The following TMIGD3 variants were observed in gnomAD, a reference collection of about 807,000 sequenced individuals.
TMIGD3 encodes AD026 protein (AD026).
A neutral mutation model predicts 28.1 loss-of-function variants in TMIGD3; 21 were observed. That is an observed-to-expected ratio of 0.75 (90% CI 0.53 to 1.08). The LOEUF (loss-of-function observed/expected upper bound fraction) is 1.08. TMIGD3 is among the 50% of genes least tolerant of loss of function. The pLI is 0.00. For missense variants in TMIGD3, 416 were observed against 435.6 expected (o/e 0.96, Z 0.40); for synonymous variants, 151 against 162.1 (o/e 0.93, Z 0.52).
intron 1 of TMIGD3, among the ~76,000 whole-genome samples, chr1:111,521,996 C>G (rs1557834086): frequency 6.6e-6 from 1 of 152,150 alleles, no homozygotes; most frequent in Non-Finnish European, 1.5e-5. Context: ...GCTTCAGCAC[C>G]ATTTGTTGAA....
rs1655369063 is a variant in TMIGD3, at chr1:111,503,627, AT to A, written c.-274del. ...CCAGAATGCTGTAGGACAGCTCTAT[AT>A]GGACTGAATCTGAAAGTGCTGCTGC... On this transcript the variant is annotated 5_prime_UTR_variant, in exon 1 of 6. Transcript: ENST00000369716. The A allele has an allele frequency of 2.5e-6, 3 of 1,216,092 alleles. No homozygotes were observed. Among genetic ancestry groups the A allele is most frequent in the Non-Finnish European group, 2.1e-6 (2 of 967,852 alleles). The allele number at this position is 1,216,092 out of a possible 1,614,324, so 75.3% of individuals were successfully genotyped here.
At chr1:111,555,293 GA>G (rs536109185) in intron 1 of TMIGD3, among the ~76,000 whole-genome samples, 70 of 143,954 alleles carry the variant, frequency 4.9e-4, no homozygotes, top group African/African-American at 1.7e-3. Context: ...TTGAACCCAG[GA>G]GGCTGAGGTT....
At chr1:111,517,042 C>T (rs575621372) in intron 1 of TMIGD3, among the ~76,000 whole-genome samples, 1 of 152,348 alleles carries the variant, frequency 6.6e-6, no homozygotes, top group South Asian at 2.1e-4. Context: ...CCCCATCCCA[C>T]ACTCTCTCAC....
At chr1:111,558,211 T>G (rs1470305916) in intron 1 of TMIGD3, among the ~76,000 whole-genome samples, 4 of 152,194 alleles carry the variant, frequency 2.6e-5, no homozygotes, top group African/African-American at 9.7e-5. Context: ...AGGGTCTTAC[T>G]CCACTGCCCA....
exon 1 of TMIGD3, chr1:111,563,942 G>C (rs1657850461): frequency 6.2e-7 from 1 of 1,613,626 alleles, no homozygotes; most frequent in Non-Finnish European, 8.5e-7. Flanking sequence ...TCCTGCTGGA[G>C]ACCCTTCCAT....
chr1:111,505,121 T>G, upstream of TMIGD3: 2 of 203,540 alleles, frequency 9.8e-6, no homozygotes, highest in Non-Finnish European at 1.4e-5. Flanking sequence ...GGCAGCACTC[T>G]GCCAAAAAAA....
intron 1 of TMIGD3, among the ~76,000 whole-genome samples, chr1:111,525,844 A>C (rs1303221673): frequency 6.6e-6 from 1 of 152,210 alleles, no homozygotes; most frequent in Non-Finnish European, 1.5e-5. Flanking sequence ...AGCCTGAGAG[A>C]CAGAGCGAGA....
intron 1 of TMIGD3, among the ~76,000 whole-genome samples, chr1:111,528,650 T>C (rs1656350085): frequency 6.6e-6 from 1 of 152,200 alleles, no homozygotes; most frequent in South Asian, 2.1e-4. Flanking sequence ...CTATCCATGA[T>C]AATGGAATAT....
intron 1 of TMIGD3, chr1:111,500,165 T>G (rs35511654): frequency 0.12 from 191,510 of 1,614,070 alleles, 12,665 homozygotes; most frequent in Middle Eastern, 0.18. Flanking sequence ...CAGTTGATGA[T>G]AGATAAAGGC....
At chr1:111,522,518 CTTTTT>C (rs1375113931) in intron 1 of TMIGD3, among the ~76,000 whole-genome samples, 1 of 135,684 alleles carries the variant, frequency 7.4e-6, no homozygotes, top group Non-Finnish European at 1.6e-5. Context: ...TTGTTTGTTG[CTTTTT>C]TTTTTTTTTT....
chr1:111,527,683 T>G (rs1214451536), intron 1 of TMIGD3, among the ~76,000 whole-genome samples: 1 of 152,254 alleles, frequency 6.6e-6, no homozygotes, highest in Non-Finnish European at 1.5e-5. Context: ...ATTAATGTTT[T>G]GAATTTTGGC....
In TMIGD3 at chr1:111,491,951, T is replaced by G. The variant is rs1654687297; in HGVS notation, c.351-1189A>C. On this transcript the variant is annotated intron_variant, in intron 1 of 5. Coordinates refer to ENST00000369716, the MANE Select transcript of TMIGD3 (RefSeq NM_020683.7). ...GCCCTTATGTAGTCCCCTCCCACACTGAATCAGGACTGGCCTGTGTGATCA... is the reference window on the plus strand; with the variant it reads ...GCCCTTATGTAGTCCCCTCCCACACGGAATCAGGACTGGCCTGTGTGATCA... Among the ~76,000 whole-genome samples, 5 of 152,200 alleles carry G rather than the reference T, an allele frequency of 3.3e-5. No individual in the cohort carries two copies. The South Asian group carries it at 1.0e-3, about 31-fold the overall frequency.
Position 111,485,725 on chromosome 1 carries a change from A to G in TMIGD3, c.973+15T>C, listed in dbSNP as rs761624810. The stretch of plus-strand genomic sequence containing the variant: ...TAATTCTTGCCCACCCCCTCCCTCA[A>G]CAATAGCTACTTACCCCTTCTATTC... On this transcript the variant is annotated intron_variant, in intron 5 of 5. Coordinates refer to ENST00000369716, the MANE Select transcript of TMIGD3 (RefSeq NM_020683.7). The G allele has an allele frequency of 7.0e-7, 1 of 1,419,110 alleles. No homozygotes were observed. The highest frequency in any genetic ancestry group is 1.2e-5 in the South Asian group (1 of 82,626). The allele number at this position is 1,419,110 out of a possible 1,614,324, so 87.9% of individuals were successfully genotyped here.
intron 1 of TMIGD3, among the ~76,000 whole-genome samples, chr1:111,517,088 G>A (rs182416502): frequency 6.6e-6 from 1 of 152,286 alleles, no homozygotes; most frequent in Admixed American, 6.5e-5. Flanking sequence ...CCCAAGTGCA[G>A]GAGTGCAAGC....
Position 111,490,651 on chromosome 1 carries a change from C to A in TMIGD3, c.457+5G>T. 1 of 1,607,394 alleles carries A rather than the reference C, an allele frequency of 6.2e-7. No individual in the cohort carries two copies. The highest frequency in any genetic ancestry group is 2.2e-5 in the East Asian group (1 of 44,852). On this transcript the variant is annotated splice_donor_5th_base_variant and intron_variant, in intron 2 of 5. Transcript: ENST00000369716. ...GGGCTGGAGCTGTTCCGTCCCCCAT[C>A]CTACCTGAAATGAGAGCCAAGGAGA...
intron 1 of TMIGD3, among the ~76,000 whole-genome samples, chr1:111,523,463 T>G (rs1656148309): frequency 6.6e-6 from 1 of 152,170 alleles, no homozygotes; most frequent in South Asian, 2.1e-4. Context: ...TAATGTCGTC[T>G]GATTTCAATA....
chr1:111,497,580 T>C (rs1230007817), intron 1 of TMIGD3, among the ~76,000 whole-genome samples: 2 of 151,868 alleles, frequency 1.3e-5, no homozygotes, highest in Admixed American at 6.6e-5. Flanking sequence ...AGATTCCCGT[T>C]AGACAAAGAT....
At chr1:111,538,910 C>T (rs919717340) in intron 1 of TMIGD3, among the ~76,000 whole-genome samples, 137 of 152,242 alleles carry the variant, frequency 9.0e-4, no homozygotes, top group African/African-American at 3.0e-3. Flanking sequence ...CAAGTCTACT[C>T]TATTACATGT....
At chr1:111,523,907 C>A (rs1245640641) in intron 1 of TMIGD3, among the ~76,000 whole-genome samples, 2 of 151,242 alleles carry the variant, frequency 1.3e-5, no homozygotes, top group East Asian at 1.9e-4. Flanking sequence ...GCTTTTGTTT[C>A]AACGATTTTC....
Sources: gnomAD v4.1 joint callset for allele counts (sites outside exome capture counted in the v4.1 genomes callset) on GRCh38, gnomAD v4.1.1 for gene constraint, MANE v1.5 for transcripts, NCBI Gene and HGNC (gene_info 2026-07-23, HGNC 2026-07-21) for gene names.